PDE1A: variants seen among roughly 807,000 people sequenced by gnomAD.
PDE1A encodes phosphodiesterase 1A.
A neutral mutation model predicts 61.7 loss-of-function variants in PDE1A; 35 were observed. The ratio of observed to expected loss-of-function variants is 0.57; its 90% CI spans 0.43 to 0.75. The LOEUF (loss-of-function observed/expected upper bound fraction) is 0.75. Among genes scored for constraint, PDE1A ranks in the 30% least tolerant of loss-of-function variants. PDE1A has a pLI of 0.00. For missense variants in PDE1A, 597 were observed against 630.6 expected (o/e 0.95, Z 0.57); for synonymous variants, 232 against 213.2 (o/e 1.09, Z -0.77).
intron 1 of PDE1A, among the ~76,000 whole-genome samples, chr2:182,274,748 C>A (rs942295045): frequency 6.6e-6 from 1 of 152,066 alleles, no homozygotes; most frequent in Admixed American, 6.6e-5. Context: ...CAAGAAAAAA[C>A]TAAAGTTGAA....
the PDE1A span, among the ~76,000 whole-genome samples, chr2:182,623,647 G>T: frequency 2.0e-5 from 3 of 152,166 alleles, no homozygotes; most frequent in African/African-American, 7.2e-5. Flanking sequence ...GGAGTGGAGG[G>T]CAGGTCTTGC....
the PDE1A span, among the ~76,000 whole-genome samples, chr2:182,711,297 T>C: frequency 6.6e-6 from 1 of 152,138 alleles, no homozygotes; most frequent in Admixed American, 6.5e-5. Context: ...ATTGGTTATG[T>C]ATACATACTC....
At chr2:182,517,699 G>A (rs562387659) in intron 2 of PDE1A, among the ~76,000 whole-genome samples, 40 of 152,302 alleles carry the variant, frequency 2.6e-4, no homozygotes, top group Admixed American at 1.9e-3. Flanking sequence ...TGAAATTTAA[G>A]CAGCAATCTT....
chr2:182,169,965 TACACACAC>T (rs5836829), intron 13 of PDE1A, among the ~76,000 whole-genome samples: 2 of 145,918 alleles, frequency 1.4e-5, no homozygotes, highest in Non-Finnish European at 3.0e-5. Flanking sequence ...TTCTCTTTCA[TACACACAC>T]ACACACACAC....
the PDE1A span, among the ~76,000 whole-genome samples, chr2:182,602,368 G>A: frequency 6.6e-6 from 1 of 152,228 alleles, no homozygotes; most frequent in Non-Finnish European, 1.5e-5. Context: ...GCTGTCTGGA[G>A]CGGCCACTGC....
intron 1 of PDE1A, among the ~76,000 whole-genome samples, chr2:182,359,489 T>C (rs1699379990): frequency 1.3e-5 from 2 of 152,152 alleles, no homozygotes; most frequent in African/African-American, 4.8e-5. Flanking sequence ...ACTTTTTCAG[T>C]TTTAAATCAG....
chr2:182,507,396 A>G (rs578015702), intron 2 of PDE1A, among the ~76,000 whole-genome samples: 1 of 152,326 alleles, frequency 6.6e-6, no homozygotes, highest in African/African-American at 2.4e-5. Context: ...CCGGTAGTTA[A>G]CTGTTTGGTT....
intron 2 of PDE1A, among the ~76,000 whole-genome samples, chr2:182,449,227 G>T (rs1685349073): frequency 1.4e-5 from 2 of 145,594 alleles, no homozygotes; most frequent in Admixed American, 1.4e-4. Context: ...GGCTGACCCA[G>T]AAAAAATATA....
At chr2:182,186,102 C>T (rs1270757114) in intron 12 of PDE1A, 23 bp from the exon 13 acceptor site, 1 of 1,602,920 alleles carries the variant, frequency 6.2e-7, no homozygotes, top group Non-Finnish European at 8.5e-7. Context: ...ACCAAAGAAA[C>T]CAAAAAACAC....
chr2:182,532,728 C>T, the PDE1A span, among the ~76,000 whole-genome samples: 1 of 151,822 alleles, frequency 6.6e-6, no homozygotes, highest in African/African-American at 2.4e-5. Flanking sequence ...GAGGCCGAGG[C>T]GGGCGGATCG....
At chr2:182,629,881 G>A in the PDE1A span, among the ~76,000 whole-genome samples, 1 of 152,130 alleles carries the variant, frequency 6.6e-6, no homozygotes, top group Non-Finnish European at 1.5e-5. Flanking sequence ...AACTACCATT[G>A]CCTATCCATT....
At chr2:182,436,109 T>C (rs922368275) in intron 2 of PDE1A, among the ~76,000 whole-genome samples, 2 of 152,018 alleles carry the variant, frequency 1.3e-5, no homozygotes, top group African/African-American at 4.8e-5. Flanking sequence ...ACAACACTTA[T>C]TACCTTTCTA....
the PDE1A span, among the ~76,000 whole-genome samples, chr2:182,560,720 C>T: frequency 6.6e-6 from 1 of 152,098 alleles, no homozygotes. Context: ...TCCTCTCCAG[C>T]ATCTGTTGTT....
chr2:182,626,898 C>CAT, the PDE1A span, among the ~76,000 whole-genome samples: 1 of 63,352 alleles, frequency 1.6e-5, no homozygotes, highest in African/African-American at 6.2e-5. Flanking sequence ...TATATATATA[C>CAT]ATATATATAT....
At chr2:182,305,966 AAT>A (rs1695556455) in intron 1 of PDE1A, among the ~76,000 whole-genome samples, 1 of 152,156 alleles carries the variant, frequency 6.6e-6, no homozygotes, top group Admixed American at 6.5e-5. Flanking sequence ...CATACTATGC[AAT>A]AGAGTTCAAA....
chr2:182,559,735 C>T, the PDE1A span, among the ~76,000 whole-genome samples: 1 of 152,150 alleles, frequency 6.6e-6, no homozygotes, highest in Non-Finnish European at 1.5e-5. Flanking sequence ...CCCAAATGCT[C>T]ATCAACGGTG....
the PDE1A span, among the ~76,000 whole-genome samples, chr2:182,597,441 G>C: frequency 6.6e-6 from 1 of 152,186 alleles, no homozygotes; most frequent in Admixed American, 6.5e-5. Flanking sequence ...AGGAAACAGA[G>C]AAGCCAGCGC....
chr2:182,324,288 A>C (rs1322997429), intron 1 of PDE1A, among the ~76,000 whole-genome samples: 1 of 151,998 alleles, frequency 6.6e-6, no homozygotes, highest in Non-Finnish European at 1.5e-5. Flanking sequence ...CCTCACAAGA[A>C]TCTTGACTTC....
chr2:182,587,834 A>G, the PDE1A span, among the ~76,000 whole-genome samples: 1 of 152,230 alleles, frequency 6.6e-6, no homozygotes, highest in Non-Finnish European at 1.5e-5. Flanking sequence ...CTTTGTGTGA[A>G]TTAAAAACAC....
Sources: allele counts gnomAD v4.1 joint callset (sites outside exome capture counted in the v4.1 genomes callset), GRCh38; gene constraint gnomAD v4.1.1; transcripts MANE v1.5; gene names NCBI Gene and HGNC (gene_info 2026-07-23, HGNC 2026-07-21).